Variants in ZNF91 observed in about 807,000 individuals in gnomAD.
The protein encoded by ZNF91 is zinc finger protein 91.
In ZNF91, 7 loss-of-function variants were observed where a neutral mutation model predicts 12.6. That is an observed-to-expected ratio of 0.55 (90% CI 0.31 to 1.04). The LOEUF is 1.04. Among genes scored for constraint, ZNF91 ranks in the 50% least tolerant of loss-of-function variants. The probability of loss-of-function intolerance (pLI) is 0.05; values close to 1 mark genes in which losing one functional copy is unlikely to be tolerated. For missense variants in ZNF91, 1,217 were observed against 1,385.4 expected, an observed-to-expected ratio of 0.88 and a Z score of 1.93; for synonymous variants, 453 against 462.6, an observed-to-expected ratio of 0.98 and a Z score of 0.27.
At chr19:23,321,969 T>C (rs1487126577) in intron 1 of ZNF91, among the ~76,000 whole-genome samples, 1 of 152,216 alleles carries the variant, frequency 6.6e-6, no homozygotes, top group Non-Finnish European at 1.5e-5. Flanking sequence ...ATTTGATGTG[T>C]ATCTCTTCTC....
chr19:23,347,764 C>CAGGGA (rs1968268172), intron 3 of ZNF91, among the ~76,000 whole-genome samples: 1 of 152,164 alleles, frequency 6.6e-6, no homozygotes, highest in Non-Finnish European at 1.5e-5. Flanking sequence ...CACTCAGTAT[C>CAGGGA]ACCCCACAGT....
chr19:23,393,107 T>G (rs952065532), intron 1 of ZNF91, among the ~76,000 whole-genome samples: 1 of 151,988 alleles, frequency 6.6e-6, no homozygotes, highest in Non-Finnish European at 1.5e-5. Flanking sequence ...TCTAGAAATT[T>G]TTTTACTATT....
chr19:23,343,342 T>C (rs1473534126), intron 3 of ZNF91, among the ~76,000 whole-genome samples: 2 of 152,188 alleles, frequency 1.3e-5, no homozygotes, highest in East Asian at 1.9e-4. Context: ...AACTCACCAA[T>C]GACATAAATG....
At chr19:23,379,379 T>C (rs191225358) in intron 1 of ZNF91, among the ~76,000 whole-genome samples, 19 of 152,344 alleles carry the variant, frequency 1.2e-4, no homozygotes, top group Non-Finnish European at 2.4e-4. Flanking sequence ...TTGGGAAATA[T>C]AATTTTTATT....
rs373194281 is a variant in ZNF91 at position 23,362,280 on chromosome 19, A to G, written c.699T>C (p.Thr233=). Residue 233 remains threonine, a synonymous_variant, in exon 4 of 4, where the codon ACT becomes ACC. Coordinates refer to ENST00000300619, the MANE Select transcript of ZNF91 (RefSeq NM_003430.4). ...CTTCACATTTGTAGGGTTTATCTTC[A>G]GTATGAATTTCCTTATGATTAGTAA... ...STLTNHKEIH[T]EDKPYKCEEC... is the part of the protein sequence containing the mutation. 2.5e-6 allele frequency: 4 copies of G among 1,613,926 alleles called. No homozygotes were observed. Among genetic ancestry groups the G allele is most frequent in the East Asian group, 4.5e-5 (2 of 44,874 alleles).
At chr19:23,350,071 A>G (rs574722301) in intron 3 of ZNF91, among the ~76,000 whole-genome samples, 10 of 152,254 alleles carry the variant, frequency 6.6e-5, no homozygotes, top group Non-Finnish European at 1.5e-4. Context: ...TGCTCACGCA[A>G]CAAGAAAACC....
At chr19:23,377,436 T>C (rs1188062581) in intron 1 of ZNF91, among the ~76,000 whole-genome samples, 1 of 152,212 alleles carries the variant, frequency 6.6e-6, no homozygotes, top group Non-Finnish European at 1.5e-5. Context: ...CCACTCAAGC[T>C]TTAATTAGCT....
At chr19:23,390,518 C>T (rs903418761) in intron 1 of ZNF91, among the ~76,000 whole-genome samples, 2 of 152,226 alleles carry the variant, frequency 1.3e-5, no homozygotes, top group African/African-American at 2.4e-5. Context: ...CCACCACGCC[C>T]GACTAATTTT....
chr19:23,340,892 T>C (rs1968110103), intron 3 of ZNF91, among the ~76,000 whole-genome samples: 1 of 151,508 alleles, frequency 6.6e-6, no homozygotes, highest in Non-Finnish European at 1.5e-5. Context: ...TATTCAGTAC[T>C]TACAAATAAC....
At chr19:23,391,359 C>G (rs903811303) in intron 1 of ZNF91, among the ~76,000 whole-genome samples, 1 of 152,142 alleles carries the variant, frequency 6.6e-6, no homozygotes, top group Non-Finnish European at 1.5e-5. Flanking sequence ...TCTGAGCCAC[C>G]ATACAACCCC....
In ZNF91 at chr19:23,388,896, C is replaced by T. The variant is rs112523631; in HGVS notation, c.30+6429G>A. ...TTTAAAAAAAAAGAAAGAAAGAAAA[C>T]AAATGCGTAAATGGAAAACCAAATG... On this transcript the variant is annotated intron_variant, in intron 1 of 3. Transcript: ENST00000300619. Among the ~76,000 whole-genome samples the T allele has an allele frequency of 4.7e-3, 718 of 151,824 alleles. 5 individuals are homozygous for T. The highest frequency in any genetic ancestry group is 0.016 in the African/African-American group (663 of 41,374).
At chr19:23,307,134 T>C (rs1967409285) in intron 3 of ZNF91, 2 of 152,196 alleles carry the variant, frequency 1.3e-5, no homozygotes, top group African/African-American at 4.8e-5. Flanking sequence ...GTGTAACATA[T>C]TGCTGCACTC....
chr19:23,351,240 C>T (rs1306180143), intron 3 of ZNF91, among the ~76,000 whole-genome samples: 2 of 151,410 alleles, frequency 1.3e-5, no homozygotes, highest in Admixed American at 1.3e-4. Flanking sequence ...AGGAGAATTG[C>T]TTGAACCCTA....
chr19:23,335,334 C>T (rs1399309226), downstream of ZNF91, among the ~76,000 whole-genome samples: 1 of 152,176 alleles, frequency 6.6e-6, no homozygotes, highest in East Asian at 1.9e-4. Context: ...CTGGGAGAAC[C>T]ACTACTCTCT....
intron 1 of ZNF91, among the ~76,000 whole-genome samples, chr19:23,319,328 G>A (rs1568366110): frequency 1.3e-5 from 2 of 152,188 alleles, no homozygotes; most frequent in East Asian, 3.9e-4. Flanking sequence ...CATGAGCCCT[G>A]CCCATAGGGG....
Position 23,310,171 on chromosome 19 carries a change from T to G in ZNF91, n.16+377A>C, listed in dbSNP as rs140776289. Among the ~76,000 whole-genome samples, 302 of 149,096 alleles carry G rather than the reference T, an allele frequency of 2.0e-3. 5 individuals are homozygous for G. The Middle Eastern group carries it at 0.047, about 23-fold the overall frequency. On this transcript the variant is annotated intron_variant and non_coding_transcript_variant, in intron 1 of 3. Coordinates refer to the ZNF91 transcript ENST00000593292. ...GATTTAGAGGAAGTTGTGACTCCCA[T>G]GCATACCATATAAAGCCCTTGGGTG... is the stretch of plus-strand genomic sequence containing the variant.
intron 1 of ZNF91, among the ~76,000 whole-genome samples, chr19:23,388,422 A>G (rs1055346653): frequency 1.5e-4 from 23 of 152,238 alleles, no homozygotes; most frequent in African/African-American, 5.5e-4. Flanking sequence ...AGCCAAAGTA[A>G]ACATAAGCAA....
At chr19:23,306,565 C>A (rs1405704189) in intron 3 of ZNF91, among the ~76,000 whole-genome samples, 2 of 152,192 alleles carry the variant, frequency 1.3e-5, no homozygotes, top group Non-Finnish European at 2.9e-5. Flanking sequence ...ATATGTGACT[C>A]CCTTGTCTGT....
intron 3 of ZNF91, among the ~76,000 whole-genome samples, chr19:23,366,208 C>T (rs915329105): frequency 2.6e-5 from 4 of 151,914 alleles, no homozygotes; most frequent in African/African-American, 4.8e-5. Context: ...GACCCCCCCA[C>T]CTCCCTCCCA....
Sources: allele counts gnomAD v4.1 joint callset (sites outside exome capture counted in the v4.1 genomes callset), GRCh38; gene constraint gnomAD v4.1.1; transcripts MANE v1.5; gene names NCBI Gene and HGNC (gene_info 2026-07-23, HGNC 2026-07-21).